Variants in NR6A1 observed in about 807,000 individuals in gnomAD.
NR6A1 encodes the protein nuclear receptor subfamily 6 group A member 1, also known as retinoic acid receptor-related testis-associated receptor.
In NR6A1, 7 loss-of-function variants were observed where a neutral mutation model predicts 59.1. That is an observed-to-expected ratio of 0.12 (90% confidence interval 0.07 to 0.22). NR6A1 has a LOEUF of 0.22. Ranked by LOEUF, NR6A1 falls within the 10% of genes least tolerant of loss-of-function variation. The probability of loss-of-function intolerance (pLI) is 1.00; values close to 1 mark genes in which losing one functional copy is unlikely to be tolerated. For missense variants in NR6A1, 468 were observed against 611.6 expected (o/e 0.77, Z 2.48); for synonymous variants, 243 against 236.1 (o/e 1.03, Z -0.27).
chr9:124,647,272 A>G (rs778612284), intron 2 of NR6A1, among the ~76,000 whole-genome samples: 2 of 152,194 alleles, frequency 1.3e-5, no homozygotes, highest in African/African-American at 2.4e-5. Flanking sequence ...ACTAAGAAAA[A>G]AAAGAGAGAA....
At chr9:124,610,867 T>C (rs1390667764) in intron 2 of NR6A1, among the ~76,000 whole-genome samples, 1 of 152,160 alleles carries the variant, frequency 6.6e-6, no homozygotes, top group African/African-American at 2.4e-5. Flanking sequence ...ATTTCTAGAT[T>C]TTCTAGTTTA....
intron 1 of NR6A1, among the ~76,000 whole-genome samples, chr9:124,765,418 G>GT (rs1359441075): frequency 6.6e-6 from 1 of 152,162 alleles, no homozygotes; most frequent in Non-Finnish European, 1.5e-5. Context: ...CTATTTAGAC[G>GT]TAAGAATTTG....
At chr9:124,756,169 T>C (rs1294834248) in intron 1 of NR6A1, among the ~76,000 whole-genome samples, 2 of 152,232 alleles carry the variant, frequency 1.3e-5, no homozygotes, top group African/African-American at 2.4e-5. Flanking sequence ...TCTTTTGAAA[T>C]TGACAAAAGC....
intron 2 of NR6A1, among the ~76,000 whole-genome samples, chr9:124,561,762 A>C (rs139574623): frequency 6.6e-6 from 1 of 152,016 alleles, no homozygotes; most frequent in African/African-American, 2.4e-5. Context: ...AAATACAAAA[A>C]TCAGCCAGGC....
intron 2 of NR6A1, among the ~76,000 whole-genome samples, chr9:124,679,487 A>G (rs976397503): frequency 5.3e-5 from 8 of 152,194 alleles, no homozygotes; most frequent in Non-Finnish European, 1.0e-4. Flanking sequence ...TTGTCATAAA[A>G]CCATCCGTAG....
chr9:124,610,256 T>A (rs1040130534), intron 2 of NR6A1, among the ~76,000 whole-genome samples: 4 of 152,220 alleles, frequency 2.6e-5, no homozygotes, highest in Admixed American at 6.5e-5. Flanking sequence ...ATGGCTCTTA[T>A]TATTTTGAGA....
chr9:124,722,298 C>A (rs190261699), intron 2 of NR6A1, among the ~76,000 whole-genome samples: 3 of 152,332 alleles, frequency 2.0e-5, no homozygotes, highest in Admixed American at 2.0e-4. Flanking sequence ...ATACCAAATA[C>A]ACAAGTAAAT....
chr9:124,692,574 A>G, intron 2 of NR6A1: 1 of 472,022 alleles, frequency 2.1e-6, no homozygotes, highest in African/African-American at 2.0e-5. Context: ...CATTTCCTGA[A>G]GCAAAAGAGC....
chr9:124,598,851 CA>C (rs1443631152), intron 2 of NR6A1: 3 of 734,420 alleles, frequency 4.1e-6, no homozygotes, highest in Non-Finnish European at 7.4e-6. Flanking sequence ...CTGCATTCTT[CA>C]AACTTTGTTT....
intron 1 of NR6A1, among the ~76,000 whole-genome samples, chr9:124,759,578 A>C (rs1200289139): frequency 6.6e-6 from 1 of 152,198 alleles, no homozygotes; most frequent in Non-Finnish European, 1.5e-5. Context: ...TGCCTCTTTC[A>C]TTCATTCAAT....
At chr9:124,565,744 G>C (rs1399231487) in intron 2 of NR6A1, among the ~76,000 whole-genome samples, 1 of 152,182 alleles carries the variant, frequency 6.6e-6, no homozygotes, top group Non-Finnish European at 1.5e-5. Context: ...ACTTACTAGT[G>C]ATCAAGGACA....
intron 2 of NR6A1, among the ~76,000 whole-genome samples, chr9:124,612,474 C>T (rs947340517): frequency 2.2e-4 from 33 of 152,300 alleles, no homozygotes; most frequent in African/African-American, 7.5e-4. Flanking sequence ...CCTGCTTGGA[C>T]AGATACCCCA....
At chr9:124,533,655 CTTT>C (rs777380904) in intron 7 of NR6A1, among the ~76,000 whole-genome samples, 1 of 146,534 alleles carries the variant, frequency 6.8e-6, no homozygotes, top group Admixed American at 6.8e-5. Flanking sequence ...ATAGGGGCAC[CTTT>C]TTTTTTTTTG....
Position 124,637,715 on chromosome 9 carries a change from A to G in NR6A1, c.143-83145T>C, listed in dbSNP as rs139320098. Among the ~76,000 whole-genome samples, 1,283 of 152,034 alleles carry G rather than the reference A, an allele frequency of 8.4e-3. 16 individuals are homozygous for G. The highest frequency in any genetic ancestry group is 0.03 in the African/African-American group (1,223 of 41,456). ...ACACCAGCCTAGCCAACATGGTGAAACCCCATCTCTATTAAAAGTATGAAA... is the reference window on the plus strand; with the variant it reads ...ACACCAGCCTAGCCAACATGGTGAAGCCCCATCTCTATTAAAAGTATGAAA... On this transcript the variant is annotated intron_variant, in intron 2 of 9. Transcript: ENST00000487099.
chr9:124,604,421 T>C (rs1428131681), intron 2 of NR6A1, among the ~76,000 whole-genome samples: 1 of 152,192 alleles, frequency 6.6e-6, no homozygotes. Context: ...CAACCTGTCA[T>C]AAATCCTGTC....
chr9:124,732,014 G>A (rs1029862658), intron 2 of NR6A1, among the ~76,000 whole-genome samples: 11 of 152,282 alleles, frequency 7.2e-5, no homozygotes, highest in African/African-American at 2.6e-4. Context: ...AACTGATTCT[G>A]AAATTTACAA....
intron 2 of NR6A1, among the ~76,000 whole-genome samples, chr9:124,580,703 C>T (rs192392834): frequency 6.6e-6 from 1 of 152,032 alleles, no homozygotes; most frequent in Admixed American, 6.6e-5. Flanking sequence ...GCCTGTAATC[C>T]CAGTTACTCA....
intron 2 of NR6A1, among the ~76,000 whole-genome samples, chr9:124,629,219 G>T (rs970975358): frequency 1.3e-5 from 2 of 152,170 alleles, no homozygotes; most frequent in Non-Finnish European, 2.9e-5. Context: ...CCTACAGAAC[G>T]ATAAGTAATG....
intron 7 of NR6A1, among the ~76,000 whole-genome samples, chr9:124,534,734 C>G (rs1001510937): frequency 6.6e-6 from 1 of 152,206 alleles, no homozygotes; most frequent in Non-Finnish European, 1.5e-5. Context: ...ATCCCAAACC[C>G]TTATGGGAAA....
Sources: gnomAD v4.1 joint callset for allele counts (sites outside exome capture counted in the v4.1 genomes callset) on GRCh38, gnomAD v4.1.1 for gene constraint, MANE v1.5 for transcripts, NCBI Gene and HGNC (gene_info 2026-07-23, HGNC 2026-07-21) for gene names.